NFIB: variants seen among roughly 807,000 people sequenced by gnomAD.
NFIB encodes the protein nuclear factor I B, also known as nuclear factor 1 B-type.
A neutral mutation model predicts 61.5 loss-of-function variants in NFIB; 11 were observed. The observed-to-expected ratio is 0.18, with a 90% CI of 0.11 to 0.30. The LOEUF is 0.30. Among genes scored for constraint, NFIB ranks in the 10% least tolerant of loss-of-function variants. NFIB has a pLI of 1.00. For synonymous variants in NFIB, 260 were observed against 216.5 expected (o/e 1.20, Z -1.76); for missense variants, 471 against 608.9 (o/e 0.77, Z 2.38).
the NFIB span, among the ~76,000 whole-genome samples, chr9:14,410,395 T>C: frequency 6.6e-6 from 1 of 152,166 alleles, no homozygotes; most frequent in Non-Finnish European, 1.5e-5. Flanking sequence ...TTGTCTTACA[T>C]TTTGAATCAT....
chr9:14,478,835 G>C, the NFIB span, among the ~76,000 whole-genome samples: 1 of 152,152 alleles, frequency 6.6e-6, no homozygotes, highest in Non-Finnish European at 1.5e-5. Flanking sequence ...AAAAGCCCTA[G>C]AAGTGGAATT....
Position 14,307,197 on chromosome 9 carries a change from G to A in NFIB, c.354C>T (p.Ile118=), listed in dbSNP as rs563322451. 15 of 1,614,010 alleles carry A rather than the reference G, an allele frequency of 9.3e-6. No homozygotes were observed. The African/African-American group carries it at 1.3e-4, about 14-fold the overall frequency. The part of the protein sequence containing the change: ...NPDQKGKIRR[I]DCLRQADKVW... ...CTTTGTCTGCCTGTCGCAGGCAGTC[G>A]ATTCTCCTAATCTTACCCTTCTGGT... The change falls in exon 2 of 11, where the codon ATC becomes ATT. Residue 118 remains isoleucine, a synonymous_variant. Coordinates refer to ENST00000380953, the MANE Select transcript of NFIB (RefSeq NM_001190737.2). The surrounding 1 kb of genome is among the most constrained non-coding windows in gnomAD (Gnocchi z 5.3).
At chr9:14,184,380 T>C (rs1455266585) in intron 2 of NFIB, among the ~76,000 whole-genome samples, 2 of 152,200 alleles carry the variant, frequency 1.3e-5, no homozygotes, top group African/African-American at 4.8e-5. Flanking sequence ...ATTCAAAATC[T>C]TTTTCAGAAT....
intron 1 of NFIB, among the ~76,000 whole-genome samples, chr9:14,365,912 G>A (rs981676332): frequency 2.0e-5 from 3 of 152,154 alleles, no homozygotes; most frequent in Non-Finnish European, 4.4e-5. Context: ...CTCCTTCCAT[G>A]CCAGTCACTG....
chr9:14,530,077 T>C, the NFIB span, among the ~76,000 whole-genome samples: 2 of 152,144 alleles, frequency 1.3e-5, no homozygotes, highest in Non-Finnish European at 2.9e-5. Context: ...AGAGTAAACC[T>C]TTTTACTTTT....
At position 14,141,482 on chromosome 9, in the gene NFIB, T is replaced by C. The variant is rs577183579; in HGVS notation, c.925+5207A>G. On this transcript the variant is annotated intron_variant, in intron 6 of 10. Transcript: ENST00000380953. ...TCATCGTCCTTAAAACTAAGCTAGC[T>C]CTAAAGCATGGAGTCGGTTCTCTCA... Among the ~76,000 whole-genome samples, 13 of 152,264 alleles carry C rather than the reference T, an allele frequency of 8.5e-5. No individual in the cohort carries two copies. In the East Asian group the frequency reaches 2.5e-3, roughly 29 times the overall value.
At chr9:14,304,212 G>C (rs2059902383) in intron 2 of NFIB, among the ~76,000 whole-genome samples, 1 of 152,176 alleles carries the variant, frequency 6.6e-6, no homozygotes, top group Non-Finnish European at 1.5e-5. Flanking sequence ...ATTTCAGAAA[G>C]ATGAGGCTGC....
chr9:14,322,135 T>C, intron 1 of NFIB: 13 of 1,223,094 alleles, frequency 1.1e-5, no homozygotes, highest in Non-Finnish European at 1.3e-5. Context: ...TATTTTTTAA[T>C]TGTAATTTCT....
At chr9:14,323,298 A>T (rs1399324652) in intron 1 of NFIB, among the ~76,000 whole-genome samples, 3 of 152,180 alleles carry the variant, frequency 2.0e-5, no homozygotes, top group Non-Finnish European at 2.9e-5. Context: ...TCTAGAGGAG[A>T]TTGGATAGTG....
At chr9:14,473,989 A>G in the NFIB span, among the ~76,000 whole-genome samples, 1 of 152,176 alleles carries the variant, frequency 6.6e-6, no homozygotes, top group Non-Finnish European at 1.5e-5. Flanking sequence ...GCCGCTGGAC[A>G]TGGTGTGAGG....
intron 1 of NFIB, among the ~76,000 whole-genome samples, chr9:14,375,538 AT>A: frequency 6.6e-6 from 1 of 152,086 alleles, no homozygotes; most frequent in African/African-American, 2.4e-5. Context: ...GGCACCTGCA[AT>A]CCCAGCGACT....
chr9:14,462,468 G>C, the NFIB span, among the ~76,000 whole-genome samples: 10 of 151,916 alleles, frequency 6.6e-5, no homozygotes, highest in Non-Finnish European at 1.5e-4. Flanking sequence ...ATTTTTAGTG[G>C]AGACGGGGTT....
At chr9:14,418,134 G>C in the NFIB span, among the ~76,000 whole-genome samples, 7 of 152,152 alleles carry the variant, frequency 4.6e-5, no homozygotes, top group Non-Finnish European at 1.0e-4. Context: ...ACTCATTAAA[G>C]TCTGAGGACC....
At chr9:14,297,541 A>G (rs1183685976) in intron 2 of NFIB, among the ~76,000 whole-genome samples, 4 of 152,244 alleles carry the variant, frequency 2.6e-5, no homozygotes, top group African/African-American at 4.8e-5. Flanking sequence ...AACCAGAAAG[A>G]AAAGAAAGCC....
chr9:14,388,277 G>A lies in NFIB; in HGVS notation c.108+10247C>T, dbSNP rs185065579. On this transcript the variant is annotated intron_variant, in intron 1 of 8. Transcript: ENST00000380934. The stretch of plus-strand genomic sequence containing the variant: ...AGTCCCAGCTACATGGAGGAGGCTG[G>A]GGTGGGAGGATTAATTGAGCCTGGG... 1.2e-4 allele frequency among the ~76,000 whole-genome samples: 19 copies of A among 152,062 alleles called. No homozygotes were observed. The East Asian group carries it at 3.1e-3, about 25-fold the overall frequency.
intron 1 of NFIB, chr9:14,362,484 G>A (rs2061252357): frequency 1.3e-5 from 2 of 152,180 alleles, no homozygotes; most frequent in African/African-American, 2.4e-5. Flanking sequence ...AGGCTGCCTT[G>A]GGATGCCTCA....
chr9:14,182,933 C>G (rs1033719781), intron 2 of NFIB, among the ~76,000 whole-genome samples: 6 of 151,910 alleles, frequency 3.9e-5, no homozygotes, highest in African/African-American at 1.5e-4. Flanking sequence ...AGCATTGGGT[C>G]AGACACAGTC....
At chr9:14,226,017 T>C (rs1453738607) in intron 2 of NFIB, among the ~76,000 whole-genome samples, 1 of 152,238 alleles carries the variant, frequency 6.6e-6, no homozygotes, top group Non-Finnish European at 1.5e-5. Context: ...TAGTCTTTAA[T>C]TCCCTGTCAT....
At position 14,181,382 on chromosome 9, in the gene NFIB, C is replaced by G. The variant is rs185745656; in HGVS notation, c.563-1602G>C. Among the ~76,000 whole-genome samples, 48 of 152,256 alleles carry G rather than the reference C, an allele frequency of 3.2e-4. 2 individuals are homozygous for G. In the East Asian group the frequency reaches 5.8e-3, roughly 18 times the overall value. On this transcript the variant is annotated intron_variant, in intron 2 of 10. Transcript: ENST00000380953. ...CTAGAAATGACCATTCTTCATCTGG[C>G]TCGAGTCTCCTGAAGACAGTCAGAG... is the stretch of plus-strand genomic sequence containing the variant.
Sources: allele counts gnomAD v4.1 joint callset (sites outside exome capture counted in the v4.1 genomes callset), GRCh38; gene constraint gnomAD v4.1.1; non-coding constraint Gnocchi (gnomAD v3.1); transcripts MANE v1.5; gene names NCBI Gene and HGNC (gene_info 2026-07-23, HGNC 2026-07-21).